The following NRG3 variants were observed in gnomAD, a reference collection of about 807,000 sequenced individuals.
NRG3 encodes neuregulin 3.
In NRG3, 31 loss-of-function variants were observed where a neutral mutation model predicts 66.9. The observed-to-expected ratio is 0.46, with a 90% CI of 0.35 to 0.63. The LOEUF is 0.63. Among genes scored for constraint, NRG3 ranks in the 20% least tolerant of loss-of-function variants. NRG3 has a pLI of 0.00. For synonymous variants in NRG3, 393 were observed against 359.4 expected (o/e 1.09, Z -1.06); for missense variants, 910 against 878.9 (o/e 1.04, Z -0.45).
At chr10:82,436,872 C>G (rs1228605193) in intron 2 of NRG3, among the ~76,000 whole-genome samples, 2 of 152,174 alleles carry the variant, frequency 1.3e-5, no homozygotes, top group African/African-American at 4.8e-5. Flanking sequence ...CCCCCAATCT[C>G]TTCTGGCTTA....
At chr10:82,191,427 C>T (rs925448271) in intron 1 of NRG3, among the ~76,000 whole-genome samples, 4 of 152,054 alleles carry the variant, frequency 2.6e-5, no homozygotes, top group African/African-American at 9.7e-5. Context: ...CTAGTCTCTC[C>T]TTCATCTCCT....
At chr10:82,932,875 T>A (rs1264401748) in intron 4 of NRG3, among the ~76,000 whole-genome samples, 1 of 152,114 alleles carries the variant, frequency 6.6e-6, no homozygotes, top group Non-Finnish European at 1.5e-5. Flanking sequence ...TTCTTCCTCC[T>A]CTCCCTTCTC....
At chr10:82,747,064 T>C (rs2058676516) in intron 3 of NRG3, among the ~76,000 whole-genome samples, 1 of 151,996 alleles carries the variant, frequency 6.6e-6, no homozygotes, top group Admixed American at 6.6e-5. Flanking sequence ...GCCTGGGTGA[T>C]GTAGTGAGAC....
intron 2 of NRG3, among the ~76,000 whole-genome samples, chr10:82,579,327 G>A (rs1459887571): frequency 6.6e-6 from 1 of 151,616 alleles, no homozygotes; most frequent in African/African-American, 2.4e-5. Flanking sequence ...AAATGCATAG[G>A]GCAATAGGTT....
At chr10:82,647,045 G>A (rs1404937286) in intron 2 of NRG3, among the ~76,000 whole-genome samples, 3 of 148,262 alleles carry the variant, frequency 2.0e-5, no homozygotes, top group Non-Finnish European at 3.0e-5. Flanking sequence ...GGGTACATGT[G>A]CACAATGTGC....
At chr10:82,467,615 T>C (rs948994947) in intron 2 of NRG3, among the ~76,000 whole-genome samples, 2 of 152,098 alleles carry the variant, frequency 1.3e-5, no homozygotes, top group African/African-American at 4.8e-5. Context: ...CCCAGGACCC[T>C]AAGCTGCTGG....
Position 82,549,414 on chromosome 10 carries a change from A to G in NRG3, c.954-189163A>G, listed in dbSNP as rs563375317. 2.0e-5 allele frequency among the ~76,000 whole-genome samples: 3 copies of G among 152,286 alleles called. No individual in the cohort carries two copies. In the South Asian group the frequency reaches 6.2e-4, roughly 32 times the overall value. On this transcript the variant is annotated intron_variant, in intron 2 of 8. Coordinates refer to ENST00000372141, the MANE Select transcript of NRG3 (RefSeq NM_001010848.4). ...AATGGGTGAGACACGAAATGGTTTCAAGTAATCCTGGGTCTGCACAGGGAG... is the reference window on the plus strand; with the variant it reads ...AATGGGTGAGACACGAAATGGTTTCGAGTAATCCTGGGTCTGCACAGGGAG...
chr10:82,958,886 C>A, intron 5 of NRG3, 63 bp from the exon 6 acceptor site: 1 of 1,470,782 alleles, frequency 6.8e-7, no homozygotes, highest in Non-Finnish European at 9.0e-7. Flanking sequence ...ATGAATGAGA[C>A]CCTGAAAGTA....
chr10:82,825,781 A>G (rs2062175043), intron 3 of NRG3, among the ~76,000 whole-genome samples: 2 of 152,232 alleles, frequency 1.3e-5, no homozygotes, highest in South Asian at 4.1e-4. Flanking sequence ...GTTACCATGT[A>G]ACATACGATT....
chr10:81,941,718 G>A (rs779516960), intron 1 of NRG3, among the ~76,000 whole-genome samples: 9 of 152,192 alleles, frequency 5.9e-5, no homozygotes, highest in East Asian at 3.9e-4. Flanking sequence ...AGTGTTCTCC[G>A]CAGTTCTGGG....
At chr10:82,040,028 TAAG>T (rs5786527) in intron 1 of NRG3, among the ~76,000 whole-genome samples, 55,200 of 151,916 alleles carry the variant, frequency 0.36, 11,205 homozygotes, top group South Asian at 0.48. Flanking sequence ...TAATAAGGGT[TAAG>T]AAGGAGGATT....
intron 1 of NRG3, among the ~76,000 whole-genome samples, chr10:82,262,727 T>G (rs2078094332): frequency 2.0e-5 from 3 of 152,194 alleles, no homozygotes; most frequent in Admixed American, 2.0e-4. Flanking sequence ...GACACTAGGA[T>G]GGAGTACTTA....
intron 2 of NRG3, among the ~76,000 whole-genome samples, chr10:82,653,633 T>C (rs2051602269): frequency 6.6e-6 from 1 of 151,348 alleles, no homozygotes; most frequent in South Asian, 2.1e-4. Flanking sequence ...CTCATACAAC[T>C]AGTTCAGGTT....
chr10:82,725,803 A>G lies in NRG3; in HGVS notation c.954-12774A>G, dbSNP rs370554241. 3.5e-4 allele frequency among the ~76,000 whole-genome samples: 54 copies of G among 152,284 alleles called. No individual in the cohort carries two copies. The East Asian group carries it at 8.7e-3, about 25-fold the overall frequency. On this transcript the variant is annotated intron_variant, in intron 2 of 8. Coordinates refer to ENST00000372141, the MANE Select transcript of NRG3 (RefSeq NM_001010848.4). The stretch of plus-strand genomic sequence containing the variant: ...GGTGTACTGTATTTTACCTGGCAAC[A>G]CTACATATAGTAGAATTCACGTTCT...
chr10:82,811,380 C>T (rs1184467373), intron 3 of NRG3, among the ~76,000 whole-genome samples: 2 of 152,186 alleles, frequency 1.3e-5, no homozygotes, highest in South Asian at 2.1e-4. Context: ...CAATGATGTG[C>T]GTTCCCTTTT....
At chr10:81,933,645 C>T (rs1462934343) in intron 1 of NRG3, among the ~76,000 whole-genome samples, 1 of 152,102 alleles carries the variant, frequency 6.6e-6, no homozygotes, top group African/African-American at 2.4e-5. Context: ...GTACTCTATA[C>T]AACATATACT....
At chr10:81,925,288 TCTGA>T (rs1321261334) in intron 1 of NRG3, among the ~76,000 whole-genome samples, 5 of 152,208 alleles carry the variant, frequency 3.3e-5, no homozygotes, top group African/African-American at 1.2e-4. Flanking sequence ...TTTGGTCTAG[TCTGA>T]CTTTCATCAC....
At chr10:82,833,731 G>A (rs539238357) in intron 3 of NRG3, among the ~76,000 whole-genome samples, 14 of 152,262 alleles carry the variant, frequency 9.2e-5, no homozygotes, top group East Asian at 7.7e-4. Flanking sequence ...GAAGCACTAC[G>A]TGCCATGACA....
At position 82,602,006 on chromosome 10, in the gene NRG3, C is replaced by T. The variant is rs575284377; in HGVS notation, c.954-136571C>T. Among the ~76,000 whole-genome samples, 107 of 150,522 alleles carry T rather than the reference C, an allele frequency of 7.1e-4. 1 individual carries two copies. The highest frequency in any genetic ancestry group is 2.5e-3 in the African/African-American group (103 of 41,082). On this transcript the variant is annotated intron_variant, in intron 2 of 8. Transcript: ENST00000372141. ...GCAAAGATGGGAGGGTTGCTCAAAT[C>T]CAGGAGTTGGAAGCTGCAGTGAGCT...
Sources: allele counts gnomAD v4.1 joint callset (sites outside exome capture counted in the v4.1 genomes callset), GRCh38; gene constraint gnomAD v4.1.1; transcripts MANE v1.5; gene names NCBI Gene and HGNC (gene_info 2026-07-23, HGNC 2026-07-21).